Variants in PLCG2 observed in about 807,000 individuals in gnomAD.
The protein encoded by PLCG2 is 1-phosphatidylinositol 4,5-bisphosphate phosphodiesterase gamma-2.
Under a neutral mutation model 175.6 loss-of-function variants are expected in PLCG2, and 69 were observed. That is an observed-to-expected ratio of 0.39 (90% CI 0.32 to 0.48). The LOEUF is 0.48. PLCG2 is among the 20% of genes least tolerant of loss of function. The probability of loss-of-function intolerance (pLI) is 0.91; values close to 1 mark genes in which losing one functional copy is unlikely to be tolerated. For synonymous variants in PLCG2, 827 were observed against 624.0 expected (o/e 1.33, Z -4.85); for missense variants, 1,798 against 1,650.9 (o/e 1.09, Z -1.54).
intron 5 of PLCG2, among the ~76,000 whole-genome samples, chr16:81,861,002 A>T (rs1906952247): frequency 6.6e-6 from 1 of 151,934 alleles, no homozygotes; most frequent in African/African-American, 2.4e-5. Flanking sequence ...AACCAACCAA[A>T]CAAAAAACAA....
In PLCG2 at chr16:81,946,237, G is replaced by A. The variant is rs759887275; in HGVS notation, c.3544G>A (p.Val1182Ile). The A allele has an allele frequency of 1.4e-5, 22 of 1,613,736 alleles. No individual in the cohort carries two copies. The Admixed American group carries it at 2.2e-4, about 16-fold the overall frequency. ...SEDIELASLL[V>I]FCEMRPVLES... ...GGACATAGAGCTGGCTTCCCTCCTGGTTTTCTGTGAGATGCGGCCAGTCCT... is the reference window on the plus strand; with the variant it reads ...GGACATAGAGCTGGCTTCCCTCCTGATTTTCTGTGAGATGCGGCCAGTCCT... Residue 1182 changes from valine (V) to isoleucine (I), a missense_variant, in exon 31 of 33, where the codon GTT becomes ATT. By Grantham distance (29) the Val-to-Ile change is conservative. Transcript: ENST00000564138.
intron 20 of PLCG2, among the ~76,000 whole-genome samples, 186 bp from the exon 21 acceptor site, chr16:81,921,012 C>T (rs1002130181): frequency 6.6e-6 from 1 of 152,096 alleles, no homozygotes; most frequent in African/African-American, 2.4e-5. Flanking sequence ...GGTTAGTTTC[C>T]AAGTCTGGGG....
intron 30 of PLCG2, among the ~76,000 whole-genome samples, chr16:81,940,564 G>A (rs1313392000): frequency 2.0e-5 from 3 of 152,148 alleles, no homozygotes; most frequent in Non-Finnish European, 4.4e-5. Context: ...AGTTGTTACA[G>A]TTTTCTTCCC....
At chr16:81,935,931 G>C in intron 26 of PLCG2, 3 of 985,058 alleles carry the variant, frequency 3.0e-6, no homozygotes, top group Non-Finnish European at 3.6e-6. Context: ...GTAAATTACA[G>C]TAATTCTAGC....
Position 81,756,690 on chromosome 16 carries a change from A to G in PLCG2, c.-48+724A>G, listed in dbSNP as rs114240694. On this transcript the variant is annotated intron_variant, in intron 2 of 5. Coordinates refer to the PLCG2 transcript ENST00000565054. ...GTGTTGAAGAGGCGTGGACTTCGTG[A>G]GGCGGGTGTTATTGGCACTGTTTTA... is the stretch of plus-strand genomic sequence containing the variant. 7.2e-3 allele frequency among the ~76,000 whole-genome samples: 1,089 copies of G among 152,304 alleles called. 6 individuals carry two copies. Among genetic ancestry groups the G allele is most frequent in the African/African-American group, 0.025 (1,040 of 41,556 alleles).
At chr16:81,776,645 T>TGGGTTCAAACTGCAACCTCTGCCTC (rs1910414815), upstream of PLCG2, among the ~76,000 whole-genome samples, 1 of 152,216 alleles carries the variant, frequency 6.6e-6, no homozygotes, top group Non-Finnish European at 1.5e-5. Context: ...ACCTCTGCCT[T>TGGGTTCAAACTGCAACCTCTGCCTC]CTGGGTTCAA....
At position 81,805,875 on chromosome 16, in the gene PLCG2, A is replaced by G. The variant is rs553292130; in HGVS notation, c.193+19693A>G. ...GAAGTGAATCAAACTCCTGGGCTCA[A>G]GTGATCCTCCCAGCTCAGCCTCCTG... On this transcript the variant is annotated intron_variant, in intron 2 of 32. Coordinates refer to ENST00000564138, the MANE Select transcript of PLCG2 (RefSeq NM_002661.5). Among the ~76,000 whole-genome samples the G allele has an allele frequency of 5.0e-4, 75 of 148,634 alleles. 2 individuals are homozygous for G. The South Asian group carries it at 0.013, about 25-fold the overall frequency.
chr16:81,958,249 C>T lies in PLCG2; in HGVS notation c.*251C>T. ...CCAAAATGTGCTCCTCATTTTTGGC[C>T]TCTCATGTTCCAAACCTCATTGAAT... On this transcript the variant is annotated 3_prime_UTR_variant, in exon 33 of 33. Coordinates refer to ENST00000564138, the MANE Select transcript of PLCG2 (RefSeq NM_002661.5). 1 of 516,918 alleles carries T rather than the reference C, an allele frequency of 1.9e-6. No homozygotes were observed. Among genetic ancestry groups the T allele is most frequent in the Admixed American group, 3.3e-5 (1 of 30,568 alleles). 32.0% of individuals were successfully genotyped at this position (516,918 alleles called of 1,614,324 possible). A position where few individuals can be genotyped will look rare whatever the true frequency, so the allele number is the denominator to read the frequency against.
At chr16:81,925,063 C>T (rs1910207618) in intron 22 of PLCG2, among the ~76,000 whole-genome samples, 1 of 152,254 alleles carries the variant, frequency 6.6e-6, no homozygotes, top group Non-Finnish European at 1.5e-5. Context: ...CAGGTGACTA[C>T]TCCAAATCAC....
In PLCG2 at chr16:81,753,149, A is replaced by G. The variant is rs894723085; in HGVS notation, c.-144-2721A>G. On this transcript the variant is annotated intron_variant, in intron 1 of 5. Coordinates refer to the PLCG2 transcript ENST00000565054. ...TGCTCCCGGCCTCGCACCCTTCCAC[A>G]CCCCCTCGGCCCTGCCTCTCCCCGC... Among the ~76,000 whole-genome samples the G allele has an allele frequency of 8.5e-5, 3 of 35,122 alleles. No homozygotes were observed. In the East Asian group the frequency reaches 1.5e-3, roughly 18 times the overall value. The allele number at this position is 35,122 out of a possible 152,430, so 23.0% of individuals were successfully genotyped here. A position where few individuals can be genotyped will look rare whatever the true frequency, so the allele number is the denominator to read the frequency against.
At chr16:81,800,739 A>C (rs1026704674) in intron 2 of PLCG2, among the ~76,000 whole-genome samples, 2 of 152,094 alleles carry the variant, frequency 1.3e-5, no homozygotes, top group Non-Finnish European at 2.9e-5. Flanking sequence ...CTCTGCTCCC[A>C]AGATGCCCTT....
Position 81,937,587 on chromosome 16 carries a change from A to T in PLCG2, c.3053-171A>T, listed in dbSNP as rs557049203. 11 of 466,274 alleles carry T rather than the reference A, an allele frequency of 2.4e-5. No individual in the cohort carries two copies. The Admixed American group carries it at 4.3e-4, about 18-fold the overall frequency. 28.9% of individuals were successfully genotyped at this position (466,274 alleles called of 1,614,324 possible). ...TTGGAAAGGTGTTCCCCAGTCTGGG[A>T]GTTTGCTGTCTAGAAACCCTATATT... On this transcript the variant is annotated intron_variant, in intron 27 of 32. Coordinates refer to ENST00000564138, the MANE Select transcript of PLCG2 (RefSeq NM_002661.5).
At chr16:81,814,329 A>G (rs1268329962) in intron 2 of PLCG2, among the ~76,000 whole-genome samples, 1 of 152,154 alleles carries the variant, frequency 6.6e-6, no homozygotes, top group Non-Finnish European at 1.5e-5. Flanking sequence ...GGGCAGAGAT[A>G]TAGTCTGGGG....
chr16:81,908,882 C>T (rs1332816275), intron 17 of PLCG2, among the ~76,000 whole-genome samples: 3 of 152,116 alleles, frequency 2.0e-5, no homozygotes, highest in Non-Finnish European at 4.4e-5. Flanking sequence ...AAGATCTGAC[C>T]CTACTCTTAG....
At chr16:81,893,274 C>G (rs1159334275) in intron 11 of PLCG2, among the ~76,000 whole-genome samples, 2 of 152,180 alleles carry the variant, frequency 1.3e-5, no homozygotes, top group Non-Finnish European at 2.9e-5. Context: ...CCGATTGCAC[C>G]AACAGTTGTT....
upstream of PLCG2, among the ~76,000 whole-genome samples, chr16:81,775,876 C>T (rs1003300537): frequency 2.6e-5 from 4 of 151,944 alleles, no homozygotes; most frequent in Non-Finnish European, 4.4e-5. Context: ...TACAAACTCA[C>T]ATCTCCCTGC....
In PLCG2 at chr16:81,961,273, G is replaced by A. The variant is rs988227385; in HGVS notation, c.*3275G>A. 9 of 224,948 alleles carry A rather than the reference G, an allele frequency of 4.0e-5. No individual in the cohort carries two copies. The highest frequency in any genetic ancestry group is 1.1e-4 in the African/African-American group (5 of 44,906). 13.9% of individuals were successfully genotyped at this position (224,948 alleles called of 1,614,324 possible). On this transcript the variant is annotated 3_prime_UTR_variant, in exon 33 of 33. Transcript: ENST00000564138. ...CATCTCCATAAATGAAATTGAAAAC[G>A]GAAAATAGAATTGATGATGAACTTT...
chr16:81,791,983 A>G (rs544264356), intron 2 of PLCG2, among the ~76,000 whole-genome samples: 1 of 152,158 alleles, frequency 6.6e-6, no homozygotes, highest in South Asian at 2.1e-4. Context: ...ACTTGCACCA[A>G]CTCAGATCAG....
At chr16:81,817,833 G>A (rs944636449) in intron 2 of PLCG2, among the ~76,000 whole-genome samples, 6 of 152,184 alleles carry the variant, frequency 3.9e-5, no homozygotes, top group African/African-American at 1.4e-4. Flanking sequence ...TTACATGTCA[G>A]GCCCAGGCCA....
Sources: gnomAD v4.1 joint callset for allele counts (sites outside exome capture counted in the v4.1 genomes callset) on GRCh38, gnomAD v4.1.1 for gene constraint, MANE v1.5 for transcripts, NCBI Gene and HGNC (gene_info 2026-07-23, HGNC 2026-07-21) for gene names.